Variants in MTX2 observed in about 807,000 individuals in gnomAD.
MTX2 encodes the protein metaxin 2.
MTX2 carries 35 observed loss-of-function variants against 42.3 expected under a neutral mutation model. That is an observed-to-expected ratio of 0.83 (90% CI 0.63 to 1.10). The LOEUF is 1.10. Ranked by LOEUF, MTX2 falls within the 50% of genes least tolerant of loss-of-function variation. MTX2 has a pLI of 0.00. For synonymous variants in MTX2, 119 were observed against 100.9 expected (o/e 1.18, Z -1.08); for missense variants, 307 against 304.1 (o/e 1.01, Z -0.07).
chr2:176,319,322 C>CCT (rs1684520302), intron 3 of MTX2, among the ~76,000 whole-genome samples: 1 of 152,130 alleles, frequency 6.6e-6, no homozygotes. Flanking sequence ...TGACAGTGAG[C>CCT]CTCTCCAGTG....
intron 1 of MTX2, among the ~76,000 whole-genome samples, chr2:176,286,211 G>A (rs1237683719): frequency 6.6e-6 from 1 of 152,012 alleles, no homozygotes; most frequent in Non-Finnish European, 1.5e-5. Context: ...TTAAAAATTG[G>A]GTTATGTTGT....
At chr2:176,332,504 T>G (rs1374805886) in intron 9 of MTX2, among the ~76,000 whole-genome samples, 1 of 151,310 alleles carries the variant, frequency 6.6e-6, no homozygotes, top group African/African-American at 2.4e-5. Flanking sequence ...CCCCTACAAT[T>G]AGAATTAATC....
intron 3 of MTX2, among the ~76,000 whole-genome samples, chr2:176,302,932 G>C (rs1293080809): frequency 1.3e-5 from 2 of 152,180 alleles, no homozygotes; most frequent in Non-Finnish European, 2.9e-5. Flanking sequence ...AGGAATATCT[G>C]TCTTTCTTTT....
At chr2:176,274,470 C>A (rs921338857) in intron 1 of MTX2, among the ~76,000 whole-genome samples, 1 of 152,120 alleles carries the variant, frequency 6.6e-6, no homozygotes, top group Non-Finnish European at 1.5e-5. Flanking sequence ...TAGTATTACT[C>A]GGATGGGTAT....
chr2:176,282,923 C>T (rs539887866), intron 1 of MTX2, among the ~76,000 whole-genome samples: 20 of 152,144 alleles, frequency 1.3e-4, no homozygotes, highest in Admixed American at 6.5e-4. Flanking sequence ...AGGCTGGTCT[C>T]GAACTGCTGA....
chr2:176,322,779 G>A (rs1684616048), intron 3 of MTX2, among the ~76,000 whole-genome samples: 1 of 151,708 alleles, frequency 6.6e-6, no homozygotes, highest in Admixed American at 6.6e-5. Context: ...TCCATAGTTT[G>A]GATTTACTAT....
chr2:176,274,894 G>T (rs1471932289), intron 1 of MTX2, among the ~76,000 whole-genome samples: 1 of 152,204 alleles, frequency 6.6e-6, no homozygotes, highest in African/African-American at 2.4e-5. Flanking sequence ...GAGGAAGTGT[G>T]TGTCTGCTAC....
chr2:176,309,171 G>A (rs917060351), intron 3 of MTX2, among the ~76,000 whole-genome samples: 12 of 152,288 alleles, frequency 7.9e-5, no homozygotes, highest in African/African-American at 2.9e-4. Context: ...TTCAGAAGCA[G>A]GTTGTTCAGT....
At chr2:176,325,833 T>C (rs987913863) in intron 4 of MTX2, among the ~76,000 whole-genome samples, 6 of 151,780 alleles carry the variant, frequency 4.0e-5, no homozygotes, top group African/African-American at 1.4e-4. Context: ...CAGGGAAATA[T>C]CTTCTCAATA....
chr2:176,304,954 G>A (rs1383901514), intron 3 of MTX2, among the ~76,000 whole-genome samples: 1 of 151,874 alleles, frequency 6.6e-6, no homozygotes, highest in Non-Finnish European at 1.5e-5. Flanking sequence ...TGTTTATAAC[G>A]CCTTGAATCT....
Position 176,337,960 on chromosome 2 carries a change from G to C in MTX2, c.*296G>C, listed in dbSNP as rs1352380268. ...ATGGATGTTACATTTACTTTCTTTT[G>C]ATTTTTCTGAAAGTCATTCACTGAA... On this transcript the variant is annotated 3_prime_UTR_variant, in exon 10 of 10. Transcript: ENST00000249442. 5.4e-6 allele frequency: 1 copy of C among 184,052 alleles called. No homozygotes were observed. The highest frequency in any genetic ancestry group is 1.1e-5 in the Non-Finnish European group (1 of 89,696). The allele number at this position is 184,052 out of a possible 1,614,324, so 11.4% of individuals were successfully genotyped here.
chr2:176,328,410 G>A (rs200380485), intron 6 of MTX2, 25 bp downstream of exon 6: 631 of 1,384,116 alleles, frequency 4.6e-4, no homozygotes, highest in Admixed American at 5.6e-4. Flanking sequence ...GATACGGCTT[G>A]AAAATAAGCT....
At chr2:176,310,934 T>G (rs138210424) in intron 3 of MTX2, among the ~76,000 whole-genome samples, 1,549 of 152,328 alleles carry the variant, frequency 0.01, 26 homozygotes, top group African/African-American at 0.035. Context: ...TCCAGCTTTG[T>G]TCCATTGCTG....
At chr2:176,306,480 G>A (rs192591653) in intron 3 of MTX2, among the ~76,000 whole-genome samples, 39 of 152,222 alleles carry the variant, frequency 2.6e-4, no homozygotes, top group African/African-American at 9.1e-4. Context: ...TTGAGGAATC[G>A]CCACACTGTC....
chr2:176,296,280 TGGTA>T (rs1683879100), intron 1 of MTX2, among the ~76,000 whole-genome samples: 1 of 152,110 alleles, frequency 6.6e-6, no homozygotes, highest in African/African-American at 2.4e-5. Context: ...GGGGTGGTGT[TGGTA>T]GGGTCAAGGC....
chr2:176,300,054 G>A (rs762924216), intron 3 of MTX2, among the ~76,000 whole-genome samples: 2 of 151,758 alleles, frequency 1.3e-5, no homozygotes, highest in Non-Finnish European at 2.9e-5. Flanking sequence ...TGAGTATACT[G>A]AAGTATTAGT....
chr2:176,274,751 C>T (rs756054639), intron 1 of MTX2, among the ~76,000 whole-genome samples: 2 of 152,132 alleles, frequency 1.3e-5, no homozygotes, highest in Non-Finnish European at 2.9e-5. Flanking sequence ...TTTTAAAGGG[C>T]TTTCAACTGA....
intron 3 of MTX2, among the ~76,000 whole-genome samples, chr2:176,300,093 G>A (rs536017282): frequency 2.6e-5 from 4 of 151,846 alleles, no homozygotes; most frequent in South Asian, 4.2e-4. Flanking sequence ...CCCTTGAGCC[G>A]AATGTGTATA....
At chr2:176,314,084 A>G (rs1242236525) in intron 3 of MTX2, among the ~76,000 whole-genome samples, 1 of 151,834 alleles carries the variant, frequency 6.6e-6, no homozygotes, top group East Asian at 1.9e-4. Flanking sequence ...AGCAAAGTAT[A>G]TTTGATATTT....
Sources: allele counts gnomAD v4.1 joint callset (sites outside exome capture counted in the v4.1 genomes callset), GRCh38; gene constraint gnomAD v4.1.1; transcripts MANE v1.5; gene names NCBI Gene and HGNC (gene_info 2026-07-23, HGNC 2026-07-21).